Variants in ADAMTSL1 observed in about 807,000 individuals in gnomAD.
ADAMTSL1 encodes the protein ADAMTS like 1.
In ADAMTSL1, 126 loss-of-function variants were observed where a neutral mutation model predicts 201.8. The observed-to-expected ratio is 0.62, with a 90% confidence interval of 0.54 to 0.72. ADAMTSL1 has a LOEUF of 0.72. ADAMTSL1 is among the 30% of genes least tolerant of loss of function. The pLI, the probability that ADAMTSL1 is intolerant of heterozygous loss-of-function variation, is 0.00. For missense variants in ADAMTSL1, 2,679 were observed against 2,277.8 expected (o/e 1.18, Z -3.59); for synonymous variants, 1,121 against 903.4 (o/e 1.24, Z -4.32).
chr9:18,308,924 T>G (rs200878711), intron 2 of ADAMTSL1, among the ~76,000 whole-genome samples: 1 of 152,064 alleles, frequency 6.6e-6, no homozygotes, highest in African/African-American at 2.4e-5. Flanking sequence ...AACATTGATG[T>G]AAAAATCTTC....
chr9:18,054,451 A>C (rs1205499483), intron 1 of ADAMTSL1, among the ~76,000 whole-genome samples: 1 of 152,234 alleles, frequency 6.6e-6, no homozygotes, highest in Non-Finnish European at 1.5e-5. Context: ...AGAGTCATTC[A>C]AAGTTTGGCC....
At chr9:18,195,420 A>G (rs1468209452) in intron 2 of ADAMTSL1, among the ~76,000 whole-genome samples, 1 of 152,120 alleles carries the variant, frequency 6.6e-6, no homozygotes, top group Non-Finnish European at 1.5e-5. Flanking sequence ...AAGACAGGTT[A>G]TTGTAGTCTT....
intron 1 of ADAMTSL1, among the ~76,000 whole-genome samples, chr9:18,118,373 A>C (rs772966460): frequency 1.3e-5 from 2 of 152,192 alleles, no homozygotes; most frequent in Non-Finnish European, 2.9e-5. Context: ...ACAGTCCTTG[A>C]AGCTACCAGT....
At chr9:18,700,787 C>T (rs1831878614) in intron 13 of ADAMTSL1, among the ~76,000 whole-genome samples, 2 of 152,074 alleles carry the variant, frequency 1.3e-5, no homozygotes, top group African/African-American at 4.8e-5. Flanking sequence ...ATACTATTTT[C>T]CAGATCCCTC....
chr9:18,904,093 T>A (rs1235266834), intron 26 of ADAMTSL1, among the ~76,000 whole-genome samples: 2 of 152,152 alleles, frequency 1.3e-5, no homozygotes, highest in Non-Finnish European at 2.9e-5. Flanking sequence ...CTCGGCTTTC[T>A]GCATAGCTGG....
intron 2 of ADAMTSL1, among the ~76,000 whole-genome samples, chr9:18,291,235 C>G (rs1419808049): frequency 6.6e-6 from 1 of 152,116 alleles, no homozygotes; most frequent in African/African-American, 2.4e-5. Context: ...ATCCTAAGAA[C>G]TAAAATGAAG....
At chr9:18,752,513 C>T (rs538896777) in intron 15 of ADAMTSL1, among the ~76,000 whole-genome samples, 1 of 152,298 alleles carries the variant, frequency 6.6e-6, no homozygotes, top group African/African-American at 2.4e-5. Context: ...GAGCTTTGTC[C>T]TTATCATTCC....
At chr9:18,539,606 A>G (rs1218028251) in intron 3 of ADAMTSL1, among the ~76,000 whole-genome samples, 1 of 152,216 alleles carries the variant, frequency 6.6e-6, no homozygotes, top group Non-Finnish European at 1.5e-5. Context: ...TTTCTATGAC[A>G]TCTCATCTTC....
At chr9:18,648,144 G>C (rs1453113556) in intron 7 of ADAMTSL1, among the ~76,000 whole-genome samples, 1 of 142,166 alleles carries the variant, frequency 7.0e-6, no homozygotes, top group Non-Finnish European at 1.6e-5. Flanking sequence ...TTATGTAATG[G>C]CCTTCTTTGT....
chr9:17,962,739 A>T (rs1305348251), intron 1 of ADAMTSL1, among the ~76,000 whole-genome samples: 1 of 152,186 alleles, frequency 6.6e-6, no homozygotes, highest in African/African-American at 2.4e-5. Context: ...ATACAGTTGT[A>T]TATGTTTTAA....
chr9:18,168,898 G>C (rs1050195278), intron 2 of ADAMTSL1, among the ~76,000 whole-genome samples: 3 of 151,456 alleles, frequency 2.0e-5, no homozygotes, highest in African/African-American at 7.3e-5. Flanking sequence ...ATTTTTTCAT[G>C]TGCTTTTTGG....
At chr9:18,163,722 A>G (rs924111284) in intron 1 of ADAMTSL1, 2 of 151,986 alleles carry the variant, frequency 1.3e-5, no homozygotes, top group African/African-American at 4.8e-5. Flanking sequence ...TTCTCGCATT[A>G]ATATGTATTT....
At chr9:18,858,604 G>T (rs768287495) in intron 23 of ADAMTSL1, among the ~76,000 whole-genome samples, 1 of 152,236 alleles carries the variant, frequency 6.6e-6, no homozygotes, top group African/African-American at 2.4e-5. Flanking sequence ...AGAACAAGAG[G>T]AGTAGGTGCT....
At chr9:18,269,139 A>G (rs572740097) in intron 2 of ADAMTSL1, among the ~76,000 whole-genome samples, 3 of 152,290 alleles carry the variant, frequency 2.0e-5, no homozygotes, top group South Asian at 2.1e-4. Context: ...AATAATCCTT[A>G]TGCTACAAAG....
intron 2 of ADAMTSL1, among the ~76,000 whole-genome samples, chr9:18,217,020 GA>G (rs1022613018): frequency 6.6e-6 from 1 of 152,024 alleles, no homozygotes; most frequent in African/African-American, 2.4e-5. Flanking sequence ...GAAGACAAAT[GA>G]GGGGTCAAGT....
chr9:18,157,410 T>C (rs1231318959), intron 1 of ADAMTSL1, among the ~76,000 whole-genome samples: 4 of 152,048 alleles, frequency 2.6e-5, no homozygotes, highest in Non-Finnish European at 5.9e-5. Context: ...CATAAGTTTG[T>C]TCCCCCCATA....
chr9:18,474,124 C>T, upstream of ADAMTSL1: 2 of 939,752 alleles, frequency 2.1e-6, no homozygotes, highest in Non-Finnish European at 3.3e-6. Context: ...CTGATGGAAG[C>T]TGATAGGCAG....
At chr9:18,206,936 G>A (rs1829672941) in intron 2 of ADAMTSL1, among the ~76,000 whole-genome samples, 2 of 152,046 alleles carry the variant, frequency 1.3e-5, no homozygotes, top group Non-Finnish European at 2.9e-5. Flanking sequence ...AGGCCGAGGT[G>A]GGTGAATCAC....
chr9:17,933,212 A>T (rs761203288), intron 1 of ADAMTSL1, among the ~76,000 whole-genome samples: 24 of 152,130 alleles, frequency 1.6e-4, no homozygotes, highest in African/African-American at 5.8e-4. Flanking sequence ...GGGTTCTGGT[A>T]GCTTTCAGCA....
Sources: gnomAD v4.1 joint callset for allele counts (sites outside exome capture counted in the v4.1 genomes callset) on GRCh38, gnomAD v4.1.1 for gene constraint, MANE v1.5 for transcripts, NCBI Gene and HGNC (gene_info 2026-07-23, HGNC 2026-07-21) for gene names.